Variants in MBNL1 observed in about 807,000 individuals in gnomAD.
The protein encoded by MBNL1 is muscleblind like splicing regulator 1.
MBNL1 carries 8 observed loss-of-function variants against 42.2 expected under a neutral mutation model. The observed-to-expected ratio is 0.19, with a 90% CI of 0.11 to 0.34. The LOEUF is 0.34. Among genes scored for constraint, MBNL1 ranks in the 10% least tolerant of loss-of-function variants. The probability of loss-of-function intolerance (pLI) is 1.00; values close to 1 mark genes in which losing one functional copy is unlikely to be tolerated. For synonymous variants in MBNL1, 169 were observed against 173.9 expected, an observed-to-expected ratio of 0.97 and a Z score of 0.22; for missense variants, 309 against 495.3, an observed-to-expected ratio of 0.62 and a Z score of 3.57.
At chr3:152,333,879 G>C (rs2087247232) in intron 2 of MBNL1, among the ~76,000 whole-genome samples, 2 of 152,124 alleles carry the variant, frequency 1.3e-5, no homozygotes, top group Admixed American at 1.3e-4. Flanking sequence ...AAATAATTTA[G>C]AGCTCCAGCT....
intron 1 of MBNL1, among the ~76,000 whole-genome samples, chr3:152,280,666 A>T (rs2047912879): frequency 6.6e-6 from 1 of 152,150 alleles, no homozygotes; most frequent in African/African-American, 2.4e-5. Flanking sequence ...AGAGAATTTT[A>T]AATATGCACA....
intron 2 of MBNL1, among the ~76,000 whole-genome samples, chr3:152,369,213 G>A (rs2096556547): frequency 6.6e-6 from 1 of 152,144 alleles, no homozygotes; most frequent in Admixed American, 6.5e-5. Context: ...AGAGATTTTA[G>A]CATGAAGGGG....
At chr3:152,410,916 T>TA (rs1361658842) in intron 2 of MBNL1, among the ~76,000 whole-genome samples, 3 of 152,244 alleles carry the variant, frequency 2.0e-5, no homozygotes, top group African/African-American at 7.2e-5. Context: ...GTTTAACAGA[T>TA]ACGCTGCTAA....
At chr3:152,363,943 C>T (rs2096182410) in intron 2 of MBNL1, among the ~76,000 whole-genome samples, 1 of 152,108 alleles carries the variant, frequency 6.6e-6, no homozygotes, top group African/African-American at 2.4e-5. Context: ...TTTTCATACT[C>T]TTTCTGAAAC....
chr3:152,299,822 C>G lies in MBNL1; in HGVS notation c.-372C>G, dbSNP rs138492087. The G allele has an allele frequency of 5.0e-6, 2 of 403,190 alleles. No individual in the cohort carries two copies. Among genetic ancestry groups the G allele is most frequent in the Non-Finnish European group, 8.7e-6 (2 of 229,006 alleles). The allele number at this position is 403,190 out of a possible 1,614,324, so 25.0% of individuals were successfully genotyped here. Reference sequence around the variant, plus strand: ...TGAAAGCAGCTTGGAAATTCGGTGTCGAAGGGTCTGCCACGTTTTCATGCT... The same window carrying G: ...TGAAAGCAGCTTGGAAATTCGGTGTGGAAGGGTCTGCCACGTTTTCATGCT... On this transcript the variant is annotated 5_prime_UTR_variant, in exon 2 of 10. Transcript: ENST00000324210.
chr3:152,280,016 T>C (rs1372888909), intron 1 of MBNL1, among the ~76,000 whole-genome samples: 1 of 152,156 alleles, frequency 6.6e-6, no homozygotes, highest in African/African-American at 2.4e-5. Context: ...AATAAAATTA[T>C]GTGATTATGT....
intron 2 of MBNL1, chr3:152,340,285 G>C (rs572733539): frequency 3.8e-4 from 175 of 455,690 alleles, no homozygotes; most frequent in South Asian, 3.7e-3. Flanking sequence ...ACCCCAGCCT[G>C]GGCAATAGAG....
At chr3:152,360,789 T>C (rs2153118511) in intron 2 of MBNL1, among the ~76,000 whole-genome samples, 1 of 152,334 alleles carries the variant, frequency 6.6e-6, no homozygotes, top group Non-Finnish European at 1.5e-5. Flanking sequence ...AACATTTTGC[T>C]GACACTCTCC....
chr3:152,286,950 T>G (rs1430138498), intron 1 of MBNL1, among the ~76,000 whole-genome samples: 2 of 152,166 alleles, frequency 1.3e-5, no homozygotes, highest in Admixed American at 6.5e-5. Context: ...CCGGGCGTGG[T>G]GGCTCATGCC....
chr3:152,302,471 T>C (rs950973863), intron 2 of MBNL1: 9 of 152,196 alleles, frequency 5.9e-5, no homozygotes, highest in African/African-American at 1.9e-4. Flanking sequence ...AATTAAGCAT[T>C]TATGTTAAAA....
intron 1 of MBNL1, among the ~76,000 whole-genome samples, chr3:152,277,842 CTTATTAG>C: frequency 6.6e-6 from 1 of 152,078 alleles, no homozygotes; most frequent in East Asian, 1.9e-4. Context: ...ATATTTACAA[CTTATTAG>C]TTATTTAGAT....
intron 2 of MBNL1, among the ~76,000 whole-genome samples, chr3:152,344,451 A>G (rs1261300804): frequency 6.6e-6 from 1 of 152,172 alleles, no homozygotes; most frequent in African/African-American, 2.4e-5. Flanking sequence ...AGCCAGAGAC[A>G]CTGGTACCTT....
rs544051405 is a variant in MBNL1, at chr3:152,334,145, T to C, written c.174+33778T>C. 2.6e-5 allele frequency among the ~76,000 whole-genome samples: 4 copies of C among 152,368 alleles called. No homozygotes were observed. In the South Asian group the frequency reaches 6.2e-4, roughly 24 times the overall value. On this transcript the variant is annotated intron_variant, in intron 2 of 9. Transcript: ENST00000324210. ...AGTGAACACTGTGATGCAATACTTT[T>C]ATACTTAGAATCTGCCTATATAGGG...
chr3:152,390,206 A>G (rs959328880), intron 2 of MBNL1, among the ~76,000 whole-genome samples: 22 of 151,818 alleles, frequency 1.4e-4, no homozygotes, highest in African/African-American at 2.9e-4. Flanking sequence ...TTAAAATGCA[A>G]ACAGATTGTA....
intron 4 of MBNL1, 41 bp downstream of exon 4, chr3:152,432,961 A>G (rs2099025613): frequency 2.6e-6 from 4 of 1,536,358 alleles, no homozygotes; most frequent in Non-Finnish European, 3.6e-6. Flanking sequence ...CTACATTCTA[A>G]TTCTCAAAGT....
Position 152,430,420 on chromosome 3 carries a change from A to G in MBNL1, c.346-2297A>G, listed in dbSNP as rs115654204. On this transcript the variant is annotated intron_variant, in intron 3 of 9. Coordinates refer to ENST00000324210, the MANE Select transcript of MBNL1 (RefSeq NM_021038.5). ...TCATAGTAAAAGAATGCAAAGAGGA[A>G]TGATAATGAATAGCTTCTGTTGTCC... Among the ~76,000 whole-genome samples, 997 of 152,344 alleles carry G rather than the reference A, an allele frequency of 6.5e-3. 9 individuals are homozygous for G. The highest frequency in any genetic ancestry group is 0.023 in the African/African-American group (951 of 41,586).
intron 2 of MBNL1, among the ~76,000 whole-genome samples, chr3:152,405,884 G>A (rs966668938): frequency 1.3e-5 from 2 of 152,110 alleles, no homozygotes; most frequent in East Asian, 1.9e-4. Flanking sequence ...GTCTGATTTG[G>A]ATGTCATAAA....
intron 1 of MBNL1, among the ~76,000 whole-genome samples, chr3:152,291,342 A>G (rs898768860): frequency 4.6e-5 from 7 of 152,184 alleles, no homozygotes; most frequent in Non-Finnish European, 1.5e-5. Context: ...TGTTTCGAAT[A>G]TTCCATGGCT....
At chr3:152,396,642 T>A (rs1174801408) in intron 2 of MBNL1, among the ~76,000 whole-genome samples, 2 of 152,198 alleles carry the variant, frequency 1.3e-5, no homozygotes, top group African/African-American at 4.8e-5. Context: ...ATATTAACAT[T>A]CATCTATTTT....
Sources: allele counts gnomAD v4.1 joint callset (sites outside exome capture counted in the v4.1 genomes callset), GRCh38; gene constraint gnomAD v4.1.1; transcripts MANE v1.5; gene names NCBI Gene and HGNC (gene_info 2026-07-23, HGNC 2026-07-21).